The following CRPPA variants were observed in gnomAD, a reference collection of about 807,000 sequenced individuals.
The protein encoded by CRPPA is D-ribitol-5-phosphate cytidylyltransferase.
CRPPA carries 43 observed loss-of-function variants against 52.0 expected under a neutral mutation model. That is an observed-to-expected ratio of 0.83 (90% confidence interval 0.65 to 1.07). The LOEUF (loss-of-function observed/expected upper bound fraction) is 1.07. Ranked by LOEUF, CRPPA falls within the 50% of genes least tolerant of loss-of-function variation. CRPPA has a pLI of 0.00. For synonymous variants in CRPPA, 250 were observed against 203.5 expected, an observed-to-expected ratio of 1.23 and a Z score of -1.94; for missense variants, 629 against 551.7, an observed-to-expected ratio of 1.14 and a Z score of -1.40.
In CRPPA at chr7:16,216,102, A is replaced by C; in HGVS notation, c.1215T>G (p.Asn405Lys). 1 of 1,602,108 alleles carries C rather than the reference A, an allele frequency of 6.2e-7. No individual in the cohort carries two copies. Among genetic ancestry groups the C allele is most frequent in the Admixed American group, 1.7e-5 (1 of 58,920 alleles). Reference protein sequence around the residue: ...REFAKEVKERNILLYGLLISY... With the variant: ...REFAKEVKERKILLYGLLISY... ...ATATGAGAAGCCCATATAACAAAAT[A>C]TTTCTTTCTTTTACTTCCTTTGCAA... Residue 405 changes from asparagine to lysine, a missense_variant, in exon 9 of 10, where the codon AAT becomes AAG. Asn to Lys is a moderately conservative substitution (Grantham distance 94). Transcript: ENST00000407010.
chr7:16,406,671 T>C (rs552689656), intron 1 of CRPPA, among the ~76,000 whole-genome samples: 2 of 152,332 alleles, frequency 1.3e-5, no homozygotes, highest in South Asian at 4.1e-4. Flanking sequence ...AAATAGTCTA[T>C]AGTTGGGATA....
intron 2 of CRPPA, among the ~76,000 whole-genome samples, chr7:16,386,510 C>T (rs527241061): frequency 6.6e-6 from 1 of 152,180 alleles, no homozygotes; most frequent in Admixed American, 6.5e-5. Context: ...TTCCCTGCCT[C>T]CTATCTGTAT....
At chr7:16,380,015 T>G (rs1446015763) in intron 2 of CRPPA, among the ~76,000 whole-genome samples, 1 of 151,508 alleles carries the variant, frequency 6.6e-6, no homozygotes, top group Admixed American at 6.6e-5. Flanking sequence ...GGCCAGAACT[T>G]CCAACACTAC....
intron 8 of CRPPA, among the ~76,000 whole-genome samples, chr7:16,253,936 C>T (rs1279994892): frequency 1.3e-5 from 2 of 152,100 alleles, no homozygotes; most frequent in African/African-American, 2.4e-5. Context: ...AGGATAGGTA[C>T]AGACACTTCT....
intron 9 of CRPPA, among the ~76,000 whole-genome samples, chr7:16,111,444 A>T (rs1782262538): frequency 1.3e-5 from 2 of 152,214 alleles, no homozygotes; most frequent in Admixed American, 1.3e-4. Context: ...ATTTAAAATC[A>T]GTTTTTCAAA....
chr7:16,351,564 G>GA (rs928675546), intron 3 of CRPPA, among the ~76,000 whole-genome samples: 39 of 149,678 alleles, frequency 2.6e-4, no homozygotes, highest in Non-Finnish European at 3.3e-4. Flanking sequence ...AAATTTACAT[G>GA]AAAAAAAAAC....
chr7:16,140,275 G>A (rs1189910213), intron 9 of CRPPA, among the ~76,000 whole-genome samples: 1 of 152,046 alleles, frequency 6.6e-6, no homozygotes, highest in Non-Finnish European at 1.5e-5. Context: ...AGGCTCCTGA[G>A]TAGCTGGGAC....
intron 9 of CRPPA, among the ~76,000 whole-genome samples, chr7:16,181,256 T>C (rs1369059071): frequency 6.6e-6 from 1 of 151,948 alleles, no homozygotes; most frequent in Non-Finnish European, 1.5e-5. Context: ...TTTAGGACTT[T>C]TAGGAAAAAA....
intron 9 of CRPPA, among the ~76,000 whole-genome samples, chr7:16,104,798 G>A (rs369117571): frequency 8.0e-5 from 12 of 150,528 alleles, no homozygotes; most frequent in African/African-American, 2.7e-4. Flanking sequence ...TACTCAGGAG[G>A]CTGAGGCAGA....
In CRPPA at chr7:16,210,181, A is replaced by T. The variant is rs1477851643; in HGVS notation, c.1251+5885T>A. ...GTGTATGGATAGATACATGTATATA[A>T]TTTGTATGCTTTTTTATATTTAAAC... On this transcript the variant is annotated intron_variant, in intron 9 of 9. Coordinates refer to ENST00000407010, the MANE Select transcript of CRPPA (RefSeq NM_001101426.4). 4.6e-5 allele frequency among the ~76,000 whole-genome samples: 7 copies of T among 152,338 alleles called. No homozygotes were observed. In the East Asian group the frequency reaches 1.2e-3, roughly 25 times the overall value.
chr7:16,220,980 T>A (rs1364626120), intron 8 of CRPPA, among the ~76,000 whole-genome samples: 1 of 151,978 alleles, frequency 6.6e-6, no homozygotes, highest in Non-Finnish European at 1.5e-5. Flanking sequence ...AGAGCCCGCA[T>A]CACCAAGGCA....
At chr7:16,199,799 G>A (rs1334290672) in intron 9 of CRPPA, among the ~76,000 whole-genome samples, 1 of 150,478 alleles carries the variant, frequency 6.6e-6, no homozygotes, top group Non-Finnish European at 1.5e-5. Flanking sequence ...AAAAAAATCA[G>A]ACATTCCACT....
chr7:16,188,351 C>T (rs2128389680), intron 9 of CRPPA, among the ~76,000 whole-genome samples: 1 of 152,136 alleles, frequency 6.6e-6, no homozygotes, highest in South Asian at 2.1e-4. Context: ...TGAGGGAGTA[C>T]ATTAAATAGA....
intron 9 of CRPPA, among the ~76,000 whole-genome samples, chr7:16,215,139 G>A (rs762548409): frequency 5.3e-5 from 8 of 152,116 alleles, no homozygotes; most frequent in South Asian, 4.1e-4. Flanking sequence ...AAATGCAGCC[G>A]AAATAATTTC....
intron 9 of CRPPA, chr7:16,209,032 A>G (rs1782044874): frequency 2.3e-6 from 1 of 443,682 alleles, no homozygotes; most frequent in Non-Finnish European, 4.5e-6. Context: ...CAAGAAGGGC[A>G]AGGATTTTCT....
At chr7:16,223,123 C>T (rs1012692943) in intron 8 of CRPPA, among the ~76,000 whole-genome samples, 1 of 151,914 alleles carries the variant, frequency 6.6e-6, no homozygotes, top group African/African-American at 2.4e-5. Context: ...GAAATGCTGT[C>T]TCTACAAAAA....
At chr7:16,246,972 T>TC (rs1562582796) in intron 8 of CRPPA, among the ~76,000 whole-genome samples, 1 of 152,184 alleles carries the variant, frequency 6.6e-6, no homozygotes, top group African/African-American at 2.4e-5. Context: ...GGCATTGACT[T>TC]CTCTGTCCAT....
intron 9 of CRPPA, among the ~76,000 whole-genome samples, chr7:16,207,671 AG>A (rs1351706786): frequency 1.3e-5 from 2 of 152,210 alleles, no homozygotes; most frequent in Admixed American, 6.5e-5. Flanking sequence ...AGTTTTGCAA[AG>A]CCTAATTATT....
chr7:16,126,059 T>C (rs1201080753), intron 9 of CRPPA, among the ~76,000 whole-genome samples: 1 of 151,906 alleles, frequency 6.6e-6, no homozygotes, highest in African/African-American at 2.4e-5. Context: ...GACAAAAACA[T>C]GCACAAGGTA....
Sources: allele counts gnomAD v4.1 joint callset (sites outside exome capture counted in the v4.1 genomes callset), GRCh38; gene constraint gnomAD v4.1.1; transcripts MANE v1.5; gene names NCBI Gene and HGNC (gene_info 2026-07-23, HGNC 2026-07-21).